Variants in AGBL1 observed in about 807,000 individuals in gnomAD.
AGBL1 encodes cytosolic carboxypeptidase 4.
AGBL1 carries 130 observed loss-of-function variants against 118.9 expected under a neutral mutation model. The observed-to-expected ratio is 1.09, with a 90% CI of 0.95 to 1.26. The LOEUF is 1.26. Among genes scored for constraint, AGBL1 ranks in the 50% most tolerant of loss-of-function variants. The pLI, the probability that AGBL1 is intolerant of heterozygous loss-of-function variation, is 0.00. For missense variants in AGBL1, 1,584 were observed against 1,298.1 expected, an observed-to-expected ratio of 1.22 and a Z score of -3.38; for synonymous variants, 555 against 478.9, an observed-to-expected ratio of 1.16 and a Z score of -2.08.
At chr15:86,126,559 G>A (rs1229865800) in intron 1 of AGBL1, among the ~76,000 whole-genome samples, 1 of 152,218 alleles carries the variant, frequency 6.6e-6, no homozygotes, top group East Asian at 1.9e-4. Context: ...GATGAGAAAT[G>A]AGACCTCTCT....
intron 18 of AGBL1, among the ~76,000 whole-genome samples, chr15:86,501,010 T>A (rs1030430933): frequency 1.3e-5 from 2 of 151,692 alleles, no homozygotes; most frequent in Non-Finnish European, 3.0e-5. Context: ...CTTGGATATA[T>A]ATCCAGGAGT....
At chr15:86,997,286 T>A (rs2081389146) in intron 24 of AGBL1, among the ~76,000 whole-genome samples, 1 of 152,104 alleles carries the variant, frequency 6.6e-6, no homozygotes, top group African/African-American at 2.4e-5. Context: ...CTTCCCTAAT[T>A]ACAGTCACCA....
intron 18 of AGBL1, among the ~76,000 whole-genome samples, chr15:86,477,021 C>A (rs905308270): frequency 6.6e-6 from 1 of 152,162 alleles, no homozygotes; most frequent in Non-Finnish European, 1.5e-5. Flanking sequence ...AAAAGATGTT[C>A]TTTGAAACCA....
intron 21 of AGBL1, among the ~76,000 whole-genome samples, chr15:86,564,846 C>G (rs1444998855): frequency 4.6e-5 from 7 of 152,154 alleles, no homozygotes; most frequent in African/African-American, 1.7e-4. Context: ...ACTCTTTTTT[C>G]TCTAAACTTC....
intron 5 of AGBL1, among the ~76,000 whole-genome samples, chr15:86,201,190 G>A (rs2077901733): frequency 6.6e-6 from 1 of 151,728 alleles, no homozygotes; most frequent in Non-Finnish European, 1.5e-5. Context: ...GGCTACCAGT[G>A]TTTTAAAACG....
At chr15:86,895,530 A>C (rs573644702) in intron 22 of AGBL1, among the ~76,000 whole-genome samples, 2 of 152,190 alleles carry the variant, frequency 1.3e-5, no homozygotes, top group South Asian at 4.1e-4. Context: ...CTCATGCAAA[A>C]GAAATAAAGG....
chr15:86,738,902 T>C (rs1281423472), intron 22 of AGBL1, among the ~76,000 whole-genome samples: 2 of 149,692 alleles, frequency 1.3e-5, no homozygotes. Flanking sequence ...AGTTTGGGAG[T>C]CCAAGGCAGG....
chr15:86,452,660 C>T (rs2082209839), intron 18 of AGBL1, among the ~76,000 whole-genome samples: 1 of 152,102 alleles, frequency 6.6e-6, no homozygotes, highest in Admixed American at 6.5e-5. Flanking sequence ...ACTTCAATGG[C>T]TCCAACTCAG....
chr15:86,675,429 C>G (rs760608356), intron 22 of AGBL1, among the ~76,000 whole-genome samples: 2 of 152,086 alleles, frequency 1.3e-5, no homozygotes, highest in Non-Finnish European at 1.5e-5. Context: ...TTTGGAAGGC[C>G]GTGGTTTTTC....
chr15:86,465,931 C>T (rs1470165619), intron 18 of AGBL1, among the ~76,000 whole-genome samples: 17 of 152,138 alleles, frequency 1.1e-4, no homozygotes, highest in Admixed American at 1.1e-3. Context: ...CCTATTTGTA[C>T]ACCCCTCCCC....
chr15:86,359,286 C>T (rs1191044320), intron 17 of AGBL1, among the ~76,000 whole-genome samples: 2 of 151,404 alleles, frequency 1.3e-5, no homozygotes, highest in African/African-American at 4.8e-5. Flanking sequence ...GTTCTTTCTT[C>T]ATTTAGTGTC....
At chr15:86,195,904 G>A (rs111404592) in intron 5 of AGBL1, among the ~76,000 whole-genome samples, 26 of 152,044 alleles carry the variant, frequency 1.7e-4, no homozygotes, top group Non-Finnish European at 3.1e-4. Flanking sequence ...AAGCTCTGCC[G>A]TGGGGGCGTC....
intron 22 of AGBL1, among the ~76,000 whole-genome samples, chr15:86,865,197 G>A (rs1804610967): frequency 6.6e-6 from 1 of 152,196 alleles, no homozygotes; most frequent in Admixed American, 6.5e-5. Context: ...GGAAATGCTT[G>A]CAGATACAAT....
At chr15:87,004,372 C>T (rs1241010540) in intron 24 of AGBL1, among the ~76,000 whole-genome samples, 1 of 152,146 alleles carries the variant, frequency 6.6e-6, no homozygotes, top group Non-Finnish European at 1.5e-5. Context: ...CTGCGTTCTC[C>T]TGTAGTGGGT....
intron 13 of AGBL1, among the ~76,000 whole-genome samples, chr15:86,268,869 G>A (rs2079113457): frequency 6.6e-6 from 1 of 152,048 alleles, no homozygotes; most frequent in Admixed American, 6.5e-5. Context: ...ATTTACCAGG[G>A]GTCCAGTGTG....
intron 22 of AGBL1, among the ~76,000 whole-genome samples, chr15:86,860,709 AGTAAGT>A (rs1054965491): frequency 8.2e-6 from 1 of 122,184 alleles, no homozygotes; most frequent in African/African-American, 2.9e-5. Flanking sequence ...TTCCTCTGTG[AGTAAGT>A]GTGTGTGTGT....
At chr15:86,242,884 C>G (rs2078661909) in intron 6 of AGBL1, among the ~76,000 whole-genome samples, 1 of 152,170 alleles carries the variant, frequency 6.6e-6, no homozygotes. Flanking sequence ...CCACATTGCC[C>G]AGGAGAAATT....
At chr15:86,291,383 TAC>T (rs992507109) in intron 16 of AGBL1, among the ~76,000 whole-genome samples, 5 of 144,884 alleles carry the variant, frequency 3.5e-5, no homozygotes, top group Non-Finnish European at 7.5e-5. Flanking sequence ...CAGAGACACA[TAC>T]ACACACACAC....
chr15:86,605,263 A>T (rs1377300537), intron 21 of AGBL1, among the ~76,000 whole-genome samples: 2 of 152,120 alleles, frequency 1.3e-5, no homozygotes, highest in African/African-American at 4.8e-5. Context: ...TATCCTTTTC[A>T]TTACAAATGA....
Sources: gnomAD v4.1 joint callset for allele counts (sites outside exome capture counted in the v4.1 genomes callset) on GRCh38, gnomAD v4.1.1 for gene constraint, MANE v1.5 for transcripts, NCBI Gene and HGNC (gene_info 2026-07-23, HGNC 2026-07-21) for gene names.